EXO5: variants seen among roughly 807,000 people sequenced by gnomAD.
EXO5 encodes the protein exonuclease 5, also known as exonuclease V.
EXO5 carries 11 observed loss-of-function variants against 17.8 expected under a neutral mutation model. The observed-to-expected ratio is 0.62, with a 90% CI of 0.39 to 1.02. EXO5 has a LOEUF of 1.02. EXO5 is among the 50% of genes least tolerant of loss of function. EXO5 has a pLI of 0.00. For synonymous variants in EXO5, 147 were observed against 166.5 expected (o/e 0.88, Z 0.90); for missense variants, 364 against 434.8 (o/e 0.84, Z 1.45).
At chr1:40,511,861 G>T (rs947723647) in intron 3 of EXO5, among the ~76,000 whole-genome samples, 4 of 151,154 alleles carry the variant, frequency 2.6e-5, no homozygotes, top group African/African-American at 9.8e-5. Context: ...AAGATAATTT[G>T]CCTAGTTTCT....
intron 3 of EXO5, among the ~76,000 whole-genome samples, chr1:40,513,257 C>A (rs1395038890): frequency 2.0e-5 from 3 of 152,082 alleles, no homozygotes; most frequent in East Asian, 3.8e-4. Context: ...CTGTAACATC[C>A]TCTTATTATT....
intron 3 of EXO5, among the ~76,000 whole-genome samples, chr1:40,510,127 A>G (rs7536161): frequency 0.21 from 31,211 of 152,030 alleles, 3,349 homozygotes; most frequent in Middle Eastern, 0.35. Flanking sequence ...CCAGCATCCC[A>G]TTCACTTACT....
rs749574908 is a variant in EXO5 at position 40,514,606 on chromosome 1, G to A, written c.62G>A (p.Ser21Asn). Residue 21 changes from serine to asparagine, a missense_variant, in exon 4 of 4, where the codon AGT (serine) becomes AAT (asparagine). Transcript: ENST00000415550. ...GAAGCCTCAGGGTTCTCAGACTTGA[G>A]TGACTCAGAGTTCCTGGAGTTTCTG... Reference protein sequence around the residue: ...SAEASGFSDLSDSEFLEFLDL... With the variant: ...SAEASGFSDLNDSEFLEFLDL... 3 of 1,614,088 alleles carry A rather than the reference G, an allele frequency of 1.9e-6. No homozygotes were observed. In the African/African-American group the frequency reaches 4.0e-5, roughly 22 times the overall value.
chr1:40,514,401 A>C (rs1645838925), intron 3 of EXO5, 114 bp from the exon 4 acceptor site: 1 of 873,934 alleles, frequency 1.1e-6, no homozygotes, highest in African/African-American at 1.7e-5. Context: ...CTGGCTTTTT[A>C]AAAGAATGTA....
At chr1:40,511,039 TC>T (rs376156549) in intron 3 of EXO5, among the ~76,000 whole-genome samples, 2 of 152,128 alleles carry the variant, frequency 1.3e-5, no homozygotes, top group South Asian at 2.1e-4. Context: ...ATCGAGACCA[TC>T]CTGGCTAACA....
Position 40,514,518 on chromosome 1 carries a change from C to T in EXO5, c.-27C>T. On this transcript the variant is annotated 5_prime_UTR_variant, in exon 4 of 4. Coordinates refer to ENST00000415550, the MANE Select transcript of EXO5 (RefSeq NM_001346953.2). ...ATTTCTTTAACATGTTATGCAGGGC[C>T]CTTCTAGCCCAATCCAGAGCTGTAC... The T allele has an allele frequency of 1.3e-6, 2 of 1,560,916 alleles. No individual in the cohort carries two copies. The highest frequency in any genetic ancestry group is 8.6e-7 in the Non-Finnish European group (1 of 1,157,532).
In EXO5 at chr1:40,515,967, A is replaced by G. The variant is rs910824433; in HGVS notation, c.*301A>G. 1 of 300,554 alleles carries G rather than the reference A, an allele frequency of 3.3e-6. No individual in the cohort carries two copies. The highest frequency in any genetic ancestry group is 4.8e-5 in the Admixed American group (1 of 20,828). 18.6% of individuals were successfully genotyped at this position (300,554 alleles called of 1,614,324 possible). A position where few individuals can be genotyped will look rare whatever the true frequency, so the allele number is the denominator to read the frequency against. ...TCCTAAGAAAATTCTTCAGTTTCTG[A>G]TAAGTCATCCCTATTTTTATCTTGA... On this transcript the variant is annotated 3_prime_UTR_variant, in exon 4 of 4. Coordinates refer to ENST00000415550, the MANE Select transcript of EXO5 (RefSeq NM_001346953.2).
chr1:40,510,723 T>G (rs1645758535), intron 3 of EXO5, among the ~76,000 whole-genome samples: 1 of 152,252 alleles, frequency 6.6e-6, no homozygotes, highest in Non-Finnish European at 1.5e-5. Flanking sequence ...ACCAGCCAGA[T>G]GTAGCTACTG....
At chr1:40,509,034 C>T (rs1407998755) in intron 1 of EXO5, 126 bp downstream of exon 1, 1 of 152,294 alleles carries the variant, frequency 6.6e-6, no homozygotes, top group East Asian at 1.9e-4. Context: ...TCTCGTCTCC[C>T]CTCACAGGCC....
chr1:40,512,816 A>C (rs368677757), intron 3 of EXO5, among the ~76,000 whole-genome samples: 1 of 152,132 alleles, frequency 6.6e-6, no homozygotes, highest in Non-Finnish European at 1.5e-5. Context: ...TAGTTTCACC[A>C]TGCTGGCCAG....
At chr1:40,513,541 G>A (rs955073312) in intron 3 of EXO5, among the ~76,000 whole-genome samples, 1 of 150,980 alleles carries the variant, frequency 6.6e-6, no homozygotes, top group African/African-American at 2.4e-5. Flanking sequence ...ACTCTTTCAA[G>A]TCAATAGAAT....
In EXO5 at chr1:40,515,546, A is replaced by C. The variant is rs199542973; in HGVS notation, c.1002A>C (p.Gly334=). Residue 334 remains glycine (G), a synonymous_variant, in exon 4 of 4, where the codon GGA becomes GGC. Coordinates refer to ENST00000415550, the MANE Select transcript of EXO5 (RefSeq NM_001346953.2). The stretch of plus-strand genomic sequence containing the variant: ...GGATGGGCCACCGAGAGCCCCAGGG[A>C]GTTGACGTGGAGGAGGCTTGGAAGT... The part of the protein sequence containing the change: ...AYWMGHREPQ[G]VDVEEAWKCR... 2.5e-5 allele frequency: 40 copies of C among 1,613,240 alleles called. No individual in the cohort carries two copies. In the East Asian group the frequency reaches 5.8e-4, roughly 23 times the overall value.
At position 40,515,586 on chromosome 1, in the gene EXO5, T is replaced by G. The variant is rs1446394377; in HGVS notation, c.1042T>G (p.Tyr348Asp). ...EEAWKCRTCTYADICEWRKGS... is the reference protein window; with the variant it reads ...EEAWKCRTCTDADICEWRKGS... ...GGCTTGGAAGTGCCGGACGTGTACC[T>G]ATGCAGACATTTGTGAGTGGAGAAA... Residue 348 changes from tyrosine to aspartate, a missense_variant, in exon 4 of 4, where the codon TAT becomes GAT. Coordinates refer to ENST00000415550, the MANE Select transcript of EXO5 (RefSeq NM_001346953.2). The G allele has an allele frequency of 6.2e-7, 1 of 1,613,006 alleles. No homozygotes were observed. The highest frequency in any genetic ancestry group is 8.5e-7 in the Non-Finnish European group (1 of 1,179,880).
chr1:40,510,251 C>T (rs79800676), intron 3 of EXO5, among the ~76,000 whole-genome samples: 2,805 of 152,026 alleles, frequency 0.018, 85 homozygotes, highest in African/African-American at 0.065. Flanking sequence ...TGAAATTAGC[C>T]ATTTGATGGC....
At position 40,515,762 on chromosome 1, in the gene EXO5, G is replaced by A. The variant is rs1645881211; in HGVS notation, c.*96G>A. On this transcript the variant is annotated 3_prime_UTR_variant, in exon 4 of 4. Transcript: ENST00000415550. ...TCTGAGCTTGGCTTTTATGGAGAGT[G>A]TTCTTATTTTGGTTCTTTTTTTTAT... 4 of 1,374,012 alleles carry A rather than the reference G, an allele frequency of 2.9e-6. No individual in the cohort carries two copies. In the South Asian group the frequency reaches 5.7e-5, roughly 20 times the overall value. The allele number at this position is 1,374,012 out of a possible 1,614,324, so 85.1% of individuals were successfully genotyped here.
At chr1:40,512,105 C>T (rs777978661) in intron 3 of EXO5, among the ~76,000 whole-genome samples, 1 of 152,200 alleles carries the variant, frequency 6.6e-6, no homozygotes, top group Non-Finnish European at 1.5e-5. Context: ...TCTCGATCTC[C>T]TGACCTCATG....
intron 3 of EXO5, among the ~76,000 whole-genome samples, chr1:40,514,036 T>C (rs1222372769): frequency 2.6e-5 from 4 of 151,490 alleles, no homozygotes; most frequent in African/African-American, 9.7e-5. Context: ...ATCCCAGCAC[T>C]TTGGGAGGCT....
intron 3 of EXO5, among the ~76,000 whole-genome samples, chr1:40,513,632 C>T (rs1382753828): frequency 6.6e-6 from 1 of 150,980 alleles, no homozygotes; most frequent in Non-Finnish European, 1.5e-5. Context: ...CTCTGTCACC[C>T]AGGCTGGAGT....
chr1:40,513,335 A>G (rs1271067014), intron 3 of EXO5, among the ~76,000 whole-genome samples: 1 of 152,216 alleles, frequency 6.6e-6, no homozygotes, highest in Non-Finnish European at 1.5e-5. Flanking sequence ...GAATTTTGCC[A>G]TACTAGGTTC....
Sources: gnomAD v4.1 joint callset for allele counts (sites outside exome capture counted in the v4.1 genomes callset) on GRCh38, gnomAD v4.1.1 for gene constraint, MANE v1.5 for transcripts, NCBI Gene and HGNC (gene_info 2026-07-23, HGNC 2026-07-21) for gene names.